The following CHL1 variants were observed in gnomAD, a reference collection of about 807,000 sequenced individuals.
The protein encoded by CHL1 is cell adhesion molecule L1 like, also known as neural cell adhesion molecule L1-like protein.
Under a neutral mutation model 141.9 loss-of-function variants are expected in CHL1, and 96 were observed. The observed-to-expected ratio is 0.68, with a 90% CI of 0.57 to 0.80. The LOEUF (loss-of-function observed/expected upper bound fraction) is 0.80, where lower values mean the gene tolerates loss of function less well. CHL1 is among the 30% of genes least tolerant of loss of function. The pLI is 0.00. For synonymous variants in CHL1, 613 were observed against 502.2 expected (o/e 1.22, Z -2.95); for missense variants, 1,820 against 1,457.2 (o/e 1.25, Z -4.05).
intron 1 of CHL1, among the ~76,000 whole-genome samples, chr3:206,839 A>G (rs139302926): frequency 5.9e-5 from 9 of 152,338 alleles, no homozygotes; most frequent in Admixed American, 2.0e-4. Flanking sequence ...CTGATACTCT[A>G]TGATATGAAT....
At chr3:274,053 A>G (rs1695871333) in intron 2 of CHL1, among the ~76,000 whole-genome samples, 1 of 152,168 alleles carries the variant, frequency 6.6e-6, no homozygotes, top group African/African-American at 2.4e-5. Context: ...TCACTTCACC[A>G]GTTTCCATTC....
intron 19 of CHL1, among the ~76,000 whole-genome samples, chr3:387,370 G>A (rs1248720744): frequency 6.6e-6 from 1 of 152,110 alleles, no homozygotes; most frequent in East Asian, 1.9e-4. Flanking sequence ...CTCTGCCCTG[G>A]CTCCTTTTGT....
intron 27 of CHL1, among the ~76,000 whole-genome samples, chr3:402,239 A>G (rs1193075693): frequency 1.3e-5 from 2 of 152,238 alleles, no homozygotes; most frequent in Admixed American, 1.3e-4. Flanking sequence ...TCCATAAGAG[A>G]TAAGCTAAGC....
intron 10 of CHL1, among the ~76,000 whole-genome samples, chr3:354,208 T>C (rs1194275959): frequency 6.6e-6 from 1 of 152,178 alleles, no homozygotes; most frequent in Non-Finnish European, 1.5e-5. Context: ...ATTAGTTTTA[T>C]TTTTAAAATT....
chr3:397,822 A>G (rs535750700), intron 24 of CHL1, among the ~76,000 whole-genome samples: 65 of 152,224 alleles, frequency 4.3e-4, no homozygotes, highest in African/African-American at 1.5e-3. Context: ...CAAAGCAAAA[A>G]AAAGCAATAT....
intron 1 of CHL1, among the ~76,000 whole-genome samples, chr3:214,008 G>A (rs1476393999): frequency 1.3e-5 from 2 of 152,092 alleles, no homozygotes; most frequent in South Asian, 2.1e-4. Context: ...AAACATAGGT[G>A]GAATATGGAT....
At chr3:299,717 T>TA (rs1698546709) in intron 2 of CHL1, among the ~76,000 whole-genome samples, 1 of 152,162 alleles carries the variant, frequency 6.6e-6, no homozygotes, top group South Asian at 2.1e-4. Flanking sequence ...TGAGCTCCCC[T>TA]AGGCTTCGAA....
intron 5 of CHL1, among the ~76,000 whole-genome samples, chr3:333,949 TTTG>T (rs1159255239): frequency 1.1e-4 from 16 of 152,052 alleles, no homozygotes; most frequent in Admixed American, 2.6e-4. Context: ...AAACAACTTG[TTTG>T]TTTGTTTGTT....
At chr3:250,936 A>G (rs1458610574) in intron 2 of CHL1, among the ~76,000 whole-genome samples, 1 of 152,168 alleles carries the variant, frequency 6.6e-6, no homozygotes, top group East Asian at 1.9e-4. Context: ...TGTGGCTGTT[A>G]AGAGCCACAG....
In CHL1 at chr3:354,476, C is replaced by G. The variant is rs1225607430; in HGVS notation, c.1034-164C>G. 2.6e-5 allele frequency among the ~76,000 whole-genome samples: 4 copies of G among 152,024 alleles called. No homozygotes were observed. In the East Asian group the frequency reaches 7.7e-4, roughly 29 times the overall value. ...ACACACACACCATACAACACAAAAG[C>G]AGCTCCCACCTTGCTTTGCAGAGCA... is the stretch of plus-strand genomic sequence containing the variant. On this transcript the variant is annotated intron_variant, in intron 10 of 27. Coordinates refer to ENST00000256509, the MANE Select transcript of CHL1 (RefSeq NM_006614.4).
Position 382,077 on chromosome 3 carries a change from G to T in CHL1, c.1877-102G>T, listed in dbSNP as rs570952342. ...GGGGTGCTTCCCAGGTCCCTAAGAG[G>T]GTGGTACCTCCTCTGTCTCCGGGTA... On this transcript the variant is annotated intron_variant, in intron 16 of 27. Transcript: ENST00000256509. The T allele has an allele frequency of 4.9e-4, 453 of 917,938 alleles. 7 individuals carry two copies. In the South Asian group the frequency reaches 6.9e-3, roughly 14 times the overall value. The allele number at this position is 917,938 out of a possible 1,614,324, so 56.9% of individuals were successfully genotyped here.
At chr3:315,681 A>T (rs1232492384) in intron 2 of CHL1, among the ~76,000 whole-genome samples, 1 of 152,018 alleles carries the variant, frequency 6.6e-6, no homozygotes, top group African/African-American at 2.4e-5. Context: ...AATGTCTTGA[A>T]ATCAGTGTAT....
At chr3:376,710 A>C (rs1345248898) in intron 15 of CHL1, among the ~76,000 whole-genome samples, 1 of 152,182 alleles carries the variant, frequency 6.6e-6, no homozygotes, top group Non-Finnish European at 1.5e-5. Flanking sequence ...TTTTTCAAAA[A>C]TTGTCAGGAT....
At chr3:375,268 G>T (rs1042010197) in intron 15 of CHL1, among the ~76,000 whole-genome samples, 1 of 151,934 alleles carries the variant, frequency 6.6e-6, no homozygotes, top group Non-Finnish European at 1.5e-5. Flanking sequence ...AAGGTAATGG[G>T]GACTGTTCAT....
chr3:376,262 T>G (rs1706301378), intron 15 of CHL1: 1 of 392,796 alleles, frequency 2.5e-6, no homozygotes, highest in African/African-American at 2.1e-5. Flanking sequence ...TGACCCCGTG[T>G]GTGATTTTCT....
chr3:353,398 A>T (rs1703433591), intron 10 of CHL1, among the ~76,000 whole-genome samples: 1 of 152,196 alleles, frequency 6.6e-6, no homozygotes, highest in African/African-American at 2.4e-5. Context: ...AATAGACAAA[A>T]ATAAACCTTC....
intron 1 of CHL1, among the ~76,000 whole-genome samples, chr3:207,493 T>A (rs1699538673): frequency 6.6e-6 from 1 of 152,184 alleles, no homozygotes; most frequent in South Asian, 2.1e-4. Context: ...TGCATTTGAT[T>A]AAAATTTAAA....
At chr3:213,128 A>C (rs1005142842) in intron 1 of CHL1, 1 of 152,196 alleles carries the variant, frequency 6.6e-6, no homozygotes, top group Non-Finnish European at 1.5e-5. Flanking sequence ...CTGTCTTATA[A>C]AATAGGGAGA....
intron 4 of CHL1, 141 bp downstream of exon 4, chr3:326,205 C>T: frequency 4.0e-6 from 2 of 502,730 alleles, no homozygotes; most frequent in Non-Finnish European, 6.9e-6. Flanking sequence ...CATATCCATG[C>T]AAACAAAAAA....
Sources: gnomAD v4.1 joint callset for allele counts (sites outside exome capture counted in the v4.1 genomes callset) on GRCh38, gnomAD v4.1.1 for gene constraint, MANE v1.5 for transcripts, NCBI Gene and HGNC (gene_info 2026-07-23, HGNC 2026-07-21) for gene names.